Variants in GRIA4 observed in about 807,000 individuals in gnomAD.
GRIA4 encodes glutamate ionotropic receptor AMPA type subunit 4.
A neutral mutation model predicts 104.0 loss-of-function variants in GRIA4; 34 were observed. That is an observed-to-expected ratio of 0.33 (90% confidence interval 0.25 to 0.44). The LOEUF (loss-of-function observed/expected upper bound fraction) is 0.44. Ranked by LOEUF, GRIA4 falls within the 20% of genes least tolerant of loss-of-function variation. The pLI is 1.00. For synonymous variants in GRIA4, 386 were observed against 381.9 expected, an observed-to-expected ratio of 1.01 and a Z score of -0.13; for missense variants, 750 against 1,096.5, an observed-to-expected ratio of 0.68 and a Z score of 4.46.
intron 3 of GRIA4, among the ~76,000 whole-genome samples, chr11:105,640,389 C>T (rs1411935835): frequency 3.3e-5 from 5 of 151,680 alleles, no homozygotes; most frequent in South Asian, 4.2e-4. Flanking sequence ...TTGAAAAATG[C>T]GGTTATAACA....
chr11:105,894,358 AC>A (rs149664155), intron 6 of GRIA4, among the ~76,000 whole-genome samples: 3 of 151,166 alleles, frequency 2.0e-5, no homozygotes, highest in South Asian at 2.1e-4. Context: ...GCTTTTCTTC[AC>A]CCCCCCGAGC....
chr11:105,668,195 TATACAC>T (rs1395418895), intron 3 of GRIA4, among the ~76,000 whole-genome samples: 156 of 113,088 alleles, frequency 1.4e-3, no homozygotes, highest in Middle Eastern at 0.013. Flanking sequence ...CTCCATTGCA[TATACAC>T]ACACACACAC....
At chr11:105,794,487 A>G (rs1351356280) in intron 4 of GRIA4, among the ~76,000 whole-genome samples, 12 of 112,182 alleles carry the variant, frequency 1.1e-4, no homozygotes, top group African/African-American at 2.5e-4. Context: ...ATATATATAT[A>G]TATATATATA....
chr11:105,793,866 C>T (rs1427147938), intron 4 of GRIA4, among the ~76,000 whole-genome samples: 2 of 152,082 alleles, frequency 1.3e-5, no homozygotes, highest in Non-Finnish European at 2.9e-5. Context: ...GAGATATGCC[C>T]AACATGCTAT....
At position 105,714,503 on chromosome 11, in the gene GRIA4, G is replaced by C. The variant is rs531431844; in HGVS notation, c.248-38478G>C. ...GTAACTATGACCTCAACGAACAGTT[G>C]ATTTTGTTGCCTAAATATTATCATG... On this transcript the variant is annotated intron_variant, in intron 3 of 16. Coordinates refer to ENST00000282499, the MANE Select transcript of GRIA4 (RefSeq NM_000829.4). Among the ~76,000 whole-genome samples, 5 of 152,130 alleles carry C rather than the reference G, an allele frequency of 3.3e-5. No individual in the cohort carries two copies. The East Asian group carries it at 9.7e-4, about 29-fold the overall frequency.
intron 4 of GRIA4, among the ~76,000 whole-genome samples, chr11:105,836,541 T>C (rs973489256): frequency 6.6e-6 from 1 of 152,180 alleles, no homozygotes; most frequent in African/African-American, 2.4e-5. Context: ...CCTTCTCTTA[T>C]GTACACTTTC....
intron 12 of GRIA4, among the ~76,000 whole-genome samples, chr11:105,926,025 GA>G (rs1310800202): frequency 1.3e-5 from 2 of 151,966 alleles, no homozygotes; most frequent in African/African-American, 4.8e-5. Flanking sequence ...TGAAAAGAGA[GA>G]AAATCGTATA....
intron 14 of GRIA4, among the ~76,000 whole-genome samples, chr11:105,962,249 T>C (rs992116927): frequency 3.9e-5 from 6 of 152,118 alleles, no homozygotes; most frequent in African/African-American, 1.4e-4. Flanking sequence ...TATAATTTAA[T>C]GATAAGTTAT....
At chr11:105,638,096 G>T (rs1162557901) in intron 3 of GRIA4, among the ~76,000 whole-genome samples, 1 of 152,116 alleles carries the variant, frequency 6.6e-6, no homozygotes, top group East Asian at 1.9e-4. Context: ...GATGACACAG[G>T]TTGCTTTTTC....
At chr11:105,696,508 C>A (rs1370974026) in intron 3 of GRIA4, among the ~76,000 whole-genome samples, 2 of 152,204 alleles carry the variant, frequency 1.3e-5, no homozygotes, top group East Asian at 3.9e-4. Flanking sequence ...TTCCTAAGTG[C>A]ATTCAGTATG....
At chr11:105,816,527 G>A (rs1349689596) in intron 4 of GRIA4, among the ~76,000 whole-genome samples, 1 of 152,086 alleles carries the variant, frequency 6.6e-6, no homozygotes, top group East Asian at 1.9e-4. Context: ...AGCTTCTAGA[G>A]GCCTCCCCAG....
At chr11:105,766,809 T>A (rs1940968109) in intron 4 of GRIA4, among the ~76,000 whole-genome samples, 1 of 152,064 alleles carries the variant, frequency 6.6e-6, no homozygotes, top group Admixed American at 6.6e-5. Context: ...TTGTGCATGC[T>A]CTTTGCTTTG....
At chr11:105,893,255 T>C (rs1466236272) in intron 6 of GRIA4, among the ~76,000 whole-genome samples, 1 of 152,122 alleles carries the variant, frequency 6.6e-6, no homozygotes, top group Non-Finnish European at 1.5e-5. Flanking sequence ...AATAATTTTA[T>C]TACAATGTTG....
At chr11:105,973,130 T>C (rs1858782693) in intron 15 of GRIA4, among the ~76,000 whole-genome samples, 1 of 152,146 alleles carries the variant, frequency 6.6e-6, no homozygotes, top group African/African-American at 2.4e-5. Flanking sequence ...AGTAATTATT[T>C]TGAAAATGAA....
chr11:105,966,086 G>A (rs758003029), intron 14 of GRIA4: 11 of 1,497,052 alleles, frequency 7.3e-6, no homozygotes, highest in Non-Finnish European at 8.4e-6. Context: ...CACCAAAAGC[G>A]GGTAAACAGT....
intron 3 of GRIA4, among the ~76,000 whole-genome samples, chr11:105,654,195 T>C (rs1951774725): frequency 6.6e-6 from 1 of 151,454 alleles, no homozygotes; most frequent in South Asian, 2.1e-4. Context: ...TGTGGGATGG[T>C]GGGGCAGTGG....
chr11:105,734,567 T>C (rs1301330747), intron 3 of GRIA4, among the ~76,000 whole-genome samples: 1 of 152,138 alleles, frequency 6.6e-6, no homozygotes, highest in Non-Finnish European at 1.5e-5. Context: ...CCCATCTTCC[T>C]TAGGATAAAG....
chr11:105,916,819 C>CCTTTTGAAAACTCTTGAAAA (rs1421464382), intron 10 of GRIA4, among the ~76,000 whole-genome samples: 1 of 152,090 alleles, frequency 6.6e-6, no homozygotes, highest in Non-Finnish European at 1.5e-5. Flanking sequence ...TTGCTATACC[C>CCTTTTGAAAACTCTTGAAAA]CTTTTGAAAA....
chr11:105,774,947 C>T (rs115357853), intron 4 of GRIA4, among the ~76,000 whole-genome samples: 1,712 of 152,218 alleles, frequency 0.011, 33 homozygotes, highest in African/African-American at 0.038. Context: ...TCCCTCAATC[C>T]TGAACGTCAG....
Sources: gnomAD v4.1 joint callset for allele counts (sites outside exome capture counted in the v4.1 genomes callset) on GRCh38, gnomAD v4.1.1 for gene constraint, MANE v1.5 for transcripts, NCBI Gene and HGNC (gene_info 2026-07-23, HGNC 2026-07-21) for gene names.